Variants in ADGRL3 observed in about 807,000 individuals in gnomAD.
ADGRL3 encodes calcium-independent alpha-latrotoxin receptor 3.
Under a neutral mutation model 153.5 loss-of-function variants are expected in ADGRL3, and 62 were observed. That is an observed-to-expected ratio of 0.40 (90% CI 0.33 to 0.50). The LOEUF is 0.50. Ranked by LOEUF, ADGRL3 falls within the 20% of genes least tolerant of loss-of-function variation. The pLI, the probability that ADGRL3 is intolerant of heterozygous loss-of-function variation, is 0.47. For missense variants in ADGRL3, 1,641 were observed against 1,859.4 expected (o/e 0.88, Z 2.16); for synonymous variants, 710 against 672.5 (o/e 1.06, Z -0.86).
At chr4:61,315,303 C>T (rs972325799) in intron 1 of ADGRL3, among the ~76,000 whole-genome samples, 4 of 152,088 alleles carry the variant, frequency 2.6e-5, no homozygotes, top group African/African-American at 9.7e-5. Context: ...ATATTTCACC[C>T]CATGGATGGT....
At chr4:61,828,106 T>C (rs1462807349) in intron 9 of ADGRL3, among the ~76,000 whole-genome samples, 1 of 152,196 alleles carries the variant, frequency 6.6e-6, no homozygotes, top group Non-Finnish European at 1.5e-5. Flanking sequence ...TAGGTTTTAA[T>C]AAGTGAATAA....
At chr4:61,765,674 C>T (rs1346784538) in intron 8 of ADGRL3, among the ~76,000 whole-genome samples, 1 of 152,042 alleles carries the variant, frequency 6.6e-6, no homozygotes. Context: ...GGCCTTCTCA[C>T]ACCCTGTACA....
chr4:62,004,303 A>G (rs1581835395), intron 21 of ADGRL3, among the ~76,000 whole-genome samples: 1 of 151,986 alleles, frequency 6.6e-6, no homozygotes, highest in African/African-American at 2.4e-5. Context: ...TCTCGTTTCT[A>G]TACTATAGTC....
At chr4:61,643,399 C>A (rs2150222040) in intron 5 of ADGRL3, among the ~76,000 whole-genome samples, 1 of 151,840 alleles carries the variant, frequency 6.6e-6, no homozygotes, top group East Asian at 1.9e-4. Flanking sequence ...AGTTTTTGCC[C>A]ATTCAGTATG....
At chr4:61,508,162 C>T (rs2098442151) in intron 3 of ADGRL3, among the ~76,000 whole-genome samples, 1 of 152,016 alleles carries the variant, frequency 6.6e-6, no homozygotes, top group East Asian at 1.9e-4. Context: ...ATATCACTAA[C>T]AGAAATCTCT....
At chr4:61,409,192 T>A (rs1334645634) in intron 2 of ADGRL3, among the ~76,000 whole-genome samples, 3 of 144,882 alleles carry the variant, frequency 2.1e-5, no homozygotes, top group African/African-American at 7.5e-5. Context: ...ATATATATAA[T>A]ATATATTATA....
chr4:61,538,988 C>G (rs1035908670), intron 4 of ADGRL3, among the ~76,000 whole-genome samples: 2 of 152,114 alleles, frequency 1.3e-5, no homozygotes, highest in Admixed American at 6.5e-5. Context: ...GGATCATGAC[C>G]TTCAGCTCAT....
chr4:61,351,795 A>G (rs1316617240), intron 1 of ADGRL3, among the ~76,000 whole-genome samples: 3 of 152,052 alleles, frequency 2.0e-5, no homozygotes, highest in African/African-American at 7.3e-5. Flanking sequence ...CTTTTGAAAT[A>G]CTGACAATGC....
At chr4:61,730,715 TTTG>T (rs1425552074) in intron 7 of ADGRL3, 79 bp downstream of exon 7, 9 of 358,484 alleles carry the variant, frequency 2.5e-5, no homozygotes, top group Non-Finnish European at 4.5e-5. Flanking sequence ...TTAAAATAAT[TTTG>T]TTATTAATTC....
At chr4:61,456,101 G>T (rs2152544289) in intron 2 of ADGRL3, among the ~76,000 whole-genome samples, 1 of 151,872 alleles carries the variant, frequency 6.6e-6, no homozygotes, top group South Asian at 2.1e-4. Context: ...AATATGCCCG[G>T]CCGACCCTAC....
In ADGRL3 at chr4:61,503,869, A is replaced by AT. The variant is rs535317210; in HGVS notation, c.55+6528dup. ...ATATTCGTCACTTCAACCATTTTTC[A>AT]TTTTTTTGTTTTGGGAATGTTTCAG... On this transcript the variant is annotated intron_variant, in intron 3 of 26. Coordinates refer to ENST00000683033, the MANE Select transcript of ADGRL3 (RefSeq NM_001387552.1). Among the ~76,000 whole-genome samples, 505 of 152,042 alleles carry AT rather than the reference A, an allele frequency of 3.3e-3. 4 individuals are homozygous for AT. Among genetic ancestry groups the AT allele is most frequent in the African/African-American group, 0.011 (445 of 41,510 alleles).
Position 61,733,346 on chromosome 4 carries a change from T to A in ADGRL3, c.1191T>A (p.Asp397Glu). Reference sequence around the variant, plus strand: ...ATGTGGTCAAATCTGTATATGAGGATGATGACAATGAGGCTACTGGAAATA... The same window carrying A: ...ATGTGGTCAAATCTGTATATGAGGAAGATGACAATGAGGCTACTGGAAATA... ...ILYVVKSVYE[D>E]DDNEATGNKI... The change falls in exon 8 of 27, where the codon GAT (aspartate) becomes GAA (glutamate). Residue 397 changes from aspartate (D) to glutamate (E), a missense_variant. Asp to Glu is a conservative substitution (Grantham distance 45, BLOSUM62 2). This residue lies in a region of ADGRL3 where 734 missense variants were observed against 797.0 expected (regional missense o/e 0.92). Transcript: ENST00000683033. 3.1e-6 allele frequency: 5 copies of A among 1,613,668 alleles called. No individual in the cohort carries two copies. The highest frequency in any genetic ancestry group is 4.2e-6 in the Non-Finnish European group (5 of 1,179,794).
At chr4:61,621,683 T>G (rs1264976787) in intron 5 of ADGRL3, among the ~76,000 whole-genome samples, 1 of 152,152 alleles carries the variant, frequency 6.6e-6, no homozygotes, top group Admixed American at 6.5e-5. Context: ...GTAGGCTTAT[T>G]TAGTTCTTCT....
intron 11 of ADGRL3, among the ~76,000 whole-genome samples, chr4:61,908,926 G>T (rs984080310): frequency 6.6e-6 from 1 of 152,110 alleles, no homozygotes; most frequent in African/African-American, 2.4e-5. Context: ...TATTTTTGGA[G>T]TGTTGACCAT....
At chr4:61,274,718 G>A (rs1177122062) in intron 1 of ADGRL3, among the ~76,000 whole-genome samples, 1 of 152,052 alleles carries the variant, frequency 6.6e-6, no homozygotes, top group Non-Finnish European at 1.5e-5. Flanking sequence ...GAGGCCAGGA[G>A]TTCAAGACCA....
chr4:61,519,439 T>C (rs1321479671), intron 4 of ADGRL3, among the ~76,000 whole-genome samples: 1 of 152,176 alleles, frequency 6.6e-6, no homozygotes, highest in African/African-American at 2.4e-5. Flanking sequence ...GAGGTAAACG[T>C]CTTGTGATTT....
intron 2 of ADGRL3, among the ~76,000 whole-genome samples, chr4:61,393,850 G>A (rs2096840511): frequency 6.6e-6 from 1 of 152,038 alleles, no homozygotes; most frequent in African/African-American, 2.4e-5. Context: ...TATTGTATTA[G>A]TGTCTGGTGT....
chr4:61,552,891 T>C (rs2098746779), intron 4 of ADGRL3, among the ~76,000 whole-genome samples: 2 of 152,218 alleles, frequency 1.3e-5, no homozygotes, highest in African/African-American at 4.8e-5. Context: ...TAGTGTCCTA[T>C]ATTCAGCTTT....
At chr4:61,762,009 T>A (rs1482137775) in intron 8 of ADGRL3, among the ~76,000 whole-genome samples, 1 of 152,246 alleles carries the variant, frequency 6.6e-6, no homozygotes, top group East Asian at 1.9e-4. Flanking sequence ...TATTAGAGTA[T>A]GTTTCATGAA....
Sources: gnomAD v4.1 joint callset for allele counts (sites outside exome capture counted in the v4.1 genomes callset) on GRCh38, gnomAD v4.1.1 for gene constraint, gnomAD v4.1.1 regional missense constraint, MANE v1.5 for transcripts, NCBI Gene and HGNC (gene_info 2026-07-23, HGNC 2026-07-21) for gene names.